Variants in CRACD observed in about 807,000 individuals in gnomAD.
CRACD encodes the protein capping protein-inhibiting regulator of actin dynamics.
Under a neutral mutation model 106.8 loss-of-function variants are expected in CRACD, and 56 were observed. The ratio of observed to expected loss-of-function variants is 0.52; its 90% CI spans 0.42 to 0.66. CRACD has a LOEUF of 0.66. Among genes scored for constraint, CRACD ranks in the 30% least tolerant of loss-of-function variants. The probability of loss-of-function intolerance (pLI) is 0.00; values close to 1 mark genes in which losing one functional copy is unlikely to be tolerated. For synonymous variants in CRACD, 754 were observed against 670.8 expected (o/e 1.12, Z -1.92); for missense variants, 1,730 against 1,623.2 (o/e 1.07, Z -1.13).
intron 2 of CRACD, among the ~76,000 whole-genome samples, chr4:56,188,659 T>TCTA (rs1553908639): frequency 2.4e-5 from 2 of 83,824 alleles, no homozygotes; most frequent in African/African-American, 9.3e-5. Context: ...ATCTCTCTAT[T>TCTA]TCTCTCTCTC....
At chr4:56,227,987 G>A (rs1399600319) in intron 2 of CRACD, among the ~76,000 whole-genome samples, 1 of 152,086 alleles carries the variant, frequency 6.6e-6, no homozygotes, top group Non-Finnish European at 1.5e-5. Flanking sequence ...TACAAAGCAG[G>A]ATATATGTAA....
chr4:56,235,132 T>C (rs1332192016), intron 2 of CRACD, among the ~76,000 whole-genome samples: 4 of 152,224 alleles, frequency 2.6e-5, no homozygotes, highest in Non-Finnish European at 5.9e-5. Flanking sequence ...ATTCACATGA[T>C]TGTATCCTTA....
chr4:56,173,121 G>GT (rs1320224578), intron 1 of CRACD, among the ~76,000 whole-genome samples: 1 of 152,174 alleles, frequency 6.6e-6, no homozygotes, highest in Non-Finnish European at 1.5e-5. Context: ...CTTAGCACTT[G>GT]TTTTTTAGGG....
At position 56,198,782 on chromosome 4, in the gene CRACD, G is replaced by A. The variant is rs555091354; in HGVS notation, c.-189+19352G>A. 7.0e-4 allele frequency among the ~76,000 whole-genome samples: 107 copies of A among 152,206 alleles called. 1 individual carries two copies. The highest frequency in any genetic ancestry group is 2.4e-3 in the African/African-American group (99 of 41,522). ...AATTTGTGCTCTTAAAGTTGAAGGG[G>A]AAAATAAACGGTGTAGAAAAAATAA... On this transcript the variant is annotated intron_variant, in intron 2 of 10. Coordinates refer to ENST00000682029, the MANE Select transcript of CRACD (RefSeq NM_001393381.1).
intron 2 of CRACD, among the ~76,000 whole-genome samples, chr4:56,234,772 T>C (rs1360570889): frequency 3.3e-5 from 5 of 152,172 alleles, no homozygotes; most frequent in Non-Finnish European, 5.9e-5. Flanking sequence ...GGTGGTGGTA[T>C]TGATTAATTC....
intron 1 of CRACD, among the ~76,000 whole-genome samples, chr4:56,141,682 ATTTTT>A (rs1171920777): frequency 0.086 from 7,107 of 82,554 alleles, 339 homozygotes; most frequent in Admixed American, 0.17. Context: ...AGGAAGTACT[ATTTTT>A]TTTTTTTTTT....
At chr4:56,313,072 T>C in intron 6 of CRACD, 125 bp from the exon 7 acceptor site, 1 of 788,042 alleles carries the variant, frequency 1.3e-6, no homozygotes, top group Non-Finnish European at 2.1e-6. Flanking sequence ...GAGTTCCCTC[T>C]GCTCACCTGC....
intron 1 of CRACD, among the ~76,000 whole-genome samples, chr4:56,171,715 T>G (rs1736371747): frequency 6.6e-6 from 1 of 152,214 alleles, no homozygotes; most frequent in South Asian, 2.1e-4. Flanking sequence ...CATTGTAGCT[T>G]AGCTAAGAAA....
At chr4:56,268,451 T>TAA (rs57721072) in intron 2 of CRACD, among the ~76,000 whole-genome samples, 6 of 151,776 alleles carry the variant, frequency 4.0e-5, no homozygotes, top group African/African-American at 1.2e-4. Context: ...CAGTGTTGGG[T>TAA]AAAAAAAGCA....
chr4:56,085,391 C>T (rs1317439614), intron 1 of CRACD, among the ~76,000 whole-genome samples: 2 of 151,936 alleles, frequency 1.3e-5, no homozygotes, highest in African/African-American at 4.8e-5. Context: ...TATTTCACAT[C>T]TATGTTTGAT....
In CRACD at chr4:56,315,723, G is replaced by A; in HGVS notation, c.2221G>A (p.Glu741Lys). 6.2e-7 allele frequency: 1 copy of A among 1,614,232 alleles called. No individual in the cohort carries two copies. The highest frequency in any genetic ancestry group is 1.3e-5 in the African/African-American group (1 of 75,060). ...CACGGAGACCTCCAAACAGAGCACG[G>A]AAGCTGAAAGCATACGAAAAAGACC... ...GGTETSKQST[E>K]AESIRKRPML... is the part of the protein sequence containing the mutation. Residue 741 changes from glutamate (E) to lysine (K), a missense_variant, in exon 8 of 11, where the codon GAA becomes AAA. Coordinates refer to ENST00000682029, the MANE Select transcript of CRACD (RefSeq NM_001393381.1). This position sits in a 1 kb window ranked among gnomAD's most constrained non-coding sequence, Gnocchi z 4.1.
In CRACD at chr4:56,072,889, A is replaced by C. The variant is rs958860566; in HGVS notation, c.-336+23590A>C. The stretch of plus-strand genomic sequence containing the variant: ...TCTGTTCTTGTGTTGGTTTGCTGAG[A>C]ATGATGGTTTCCATATTCATCCATG... On this transcript the variant is annotated intron_variant, in intron 1 of 10. Coordinates refer to ENST00000682029, the MANE Select transcript of CRACD (RefSeq NM_001393381.1). 2.0e-5 allele frequency among the ~76,000 whole-genome samples: 3 copies of C among 152,150 alleles called. No individual in the cohort carries two copies. The East Asian group carries it at 5.8e-4, about 29-fold the overall frequency.
At chr4:56,166,675 C>CAAAAAAAAAAAAAAAAAAAAAA (rs35537364) in intron 1 of CRACD, among the ~76,000 whole-genome samples, 1 of 92,756 alleles carries the variant, frequency 1.1e-5, no homozygotes, top group Non-Finnish European at 2.0e-5. Flanking sequence ...CACTCTGTCT[C>CAAAAAAAAAAAAAAAAAAAAAA]AAAAAAAAAA....
At chr4:56,267,587 G>A (rs534484450) in intron 2 of CRACD, among the ~76,000 whole-genome samples, 367 of 152,302 alleles carry the variant, frequency 2.4e-3, no homozygotes, top group Non-Finnish European at 4.4e-3. Flanking sequence ...CCTTTGAAGG[G>A]AAATTGGTGT....
At chr4:56,105,991 C>T (rs1733938284) in intron 1 of CRACD, among the ~76,000 whole-genome samples, 1 of 151,430 alleles carries the variant, frequency 6.6e-6, no homozygotes, top group Admixed American at 6.6e-5. Context: ...TCCCCAAGCT[C>T]TGTCTCCGTT....
chr4:56,164,222 C>T (rs971612743), intron 1 of CRACD, among the ~76,000 whole-genome samples: 9 of 151,714 alleles, frequency 5.9e-5, no homozygotes, highest in African/African-American at 2.2e-4. Flanking sequence ...GCAAGCTCCA[C>T]CTCCCAGGTT....
chr4:56,175,589 A>G (rs1736550058), intron 1 of CRACD, among the ~76,000 whole-genome samples: 1 of 152,206 alleles, frequency 6.6e-6, no homozygotes, highest in Admixed American at 6.5e-5. Context: ...TAATCACATC[A>G]GGGTACACAC....
intron 1 of CRACD, among the ~76,000 whole-genome samples, chr4:56,161,788 G>C (rs1268588799): frequency 6.8e-6 from 1 of 147,198 alleles, no homozygotes; most frequent in Non-Finnish European, 1.5e-5. Flanking sequence ...TTTTGAGATG[G>C]AGTCTCGCTC....
chr4:56,181,327 T>A (rs1304122244), intron 2 of CRACD, among the ~76,000 whole-genome samples: 1 of 152,148 alleles, frequency 6.6e-6, no homozygotes, highest in Non-Finnish European at 1.5e-5. Context: ...GGAATGCAGC[T>A]GGGGTGTTCC....
Sources: gnomAD v4.1 joint callset for allele counts (sites outside exome capture counted in the v4.1 genomes callset) on GRCh38, gnomAD v4.1.1 for gene constraint, Gnocchi (gnomAD v3.1) non-coding constraint, MANE v1.5 for transcripts, NCBI Gene and HGNC (gene_info 2026-07-23, HGNC 2026-07-21) for gene names.